The following KCTD18 variants were observed in gnomAD, a reference collection of about 807,000 sequenced individuals.
KCTD18 encodes the protein BTB/POZ domain-containing protein KCTD18.
Under a neutral mutation model 30.4 loss-of-function variants are expected in KCTD18, and 22 were observed. That is an observed-to-expected ratio of 0.72 (90% CI 0.52 to 1.03). The LOEUF (loss-of-function observed/expected upper bound fraction) is 1.03. Among genes scored for constraint, KCTD18 ranks in the 50% least tolerant of loss-of-function variants. The probability of loss-of-function intolerance (pLI) is 0.00; values close to 1 mark genes in which losing one functional copy is unlikely to be tolerated. For missense variants in KCTD18, 529 were observed against 547.6 expected, an observed-to-expected ratio of 0.97 and a Z score of 0.34; for synonymous variants, 186 against 209.0, an observed-to-expected ratio of 0.89 and a Z score of 0.95.
At chr2:200,500,868 TACCTG>T in intron 3 of KCTD18, among the ~76,000 whole-genome samples, 1 of 152,318 alleles carries the variant, frequency 6.6e-6, no homozygotes, top group Middle Eastern at 3.4e-3. Flanking sequence ...GGCATCATGC[TACCTG>T]ACTTCAAACT....
chr2:200,498,230 A>G (rs1033902110), intron 4 of KCTD18, among the ~76,000 whole-genome samples: 1 of 152,242 alleles, frequency 6.6e-6, no homozygotes, highest in Non-Finnish European at 1.5e-5. Context: ...AAGCATCCCT[A>G]TCTGTAAAGA....
chr2:200,493,191 T>C lies in KCTD18; in HGVS notation c.745A>G (p.Met249Val), dbSNP rs2106276789. ...GATAACCTCTTTCGAATTGGAGCCA[T>C]GTGACGCAGGCTTCCAAGTAAAGGC... ...ERPLLGSLRH[M>V]APIRKRRLIT... is the part of the protein sequence containing the mutation. Residue 249 changes from methionine (M) to valine (V), a missense_variant, in exon 6 of 7, where the codon ATG becomes GTG. Transcript: ENST00000359878. 1.9e-6 allele frequency: 3 copies of C among 1,610,830 alleles called. No individual in the cohort carries two copies. Among genetic ancestry groups the C allele is most frequent in the South Asian group, 2.2e-5 (2 of 90,994 alleles).
rs1286708156 is a variant in KCTD18, at chr2:200,506,990, C to A, written c.27G>T (p.Glu9Asp). 6.2e-7 allele frequency: 1 copy of A among 1,612,074 alleles called. No individual in the cohort carries two copies. Among genetic ancestry groups the A allele is most frequent in the Admixed American group, 1.7e-5 (1 of 59,788 alleles). ...CGTTCAGTCGGAGAACATCTAGCAC[C>A]TCTTCTTCTGCCTTGTGGCCTTCCA... Reference protein sequence around the residue: MEGHKAEEEVLDVLRLNVG... With the variant: MEGHKAEEDVLDVLRLNVG... Residue 9 changes from glutamate (E) to aspartate (D), a missense_variant, in exon 2 of 7, where the codon GAG becomes GAT. Physicochemically the swap from Glu to Asp is conservative, Grantham distance 45. Transcript: ENST00000359878.
intron 5 of KCTD18, among the ~76,000 whole-genome samples, chr2:200,494,502 A>G (rs533456358): frequency 3.1e-4 from 47 of 152,334 alleles, no homozygotes; most frequent in Non-Finnish European, 5.4e-4. Context: ...TCTGGTAACA[A>G]TAACAATTTA....
At chr2:200,505,871 AAAAG>A (rs775742511) in intron 2 of KCTD18, among the ~76,000 whole-genome samples, 4 of 152,166 alleles carry the variant, frequency 2.6e-5, no homozygotes, top group Admixed American at 6.5e-5. Flanking sequence ...TTAAAAAAAA[AAAAG>A]AGAGAAAAAC....
intron 3 of KCTD18, among the ~76,000 whole-genome samples, chr2:200,504,160 T>C (rs2030029757): frequency 6.6e-6 from 1 of 152,222 alleles, no homozygotes; most frequent in Non-Finnish European, 1.5e-5. Context: ...AGTATTTCTC[T>C]TAATTTAAAA....
At position 200,490,121 on chromosome 2, in the gene KCTD18, G is replaced by A; in HGVS notation, c.1260C>T (p.Asn420=). 6.3e-7 allele frequency: 1 copy of A among 1,584,298 alleles called. No homozygotes were observed. Among genetic ancestry groups the A allele is most frequent in the Non-Finnish European group, 8.6e-7 (1 of 1,159,834 alleles). Residue 420 remains asparagine, a synonymous_variant, in exon 7 of 7, where the codon AAC becomes AAT. Transcript: ENST00000359878. The part of the protein sequence containing the change: ...AARALGVRTE[N]GKNKGN ...TTCATCAATTTCCCTTGTTCTTCCC[G>A]TTCTCAGTCCGCACTCCCAAGGCAC...
At chr2:200,507,214 A>G (rs2030249521) in intron 1 of KCTD18, 123 bp from the exon 2 acceptor site, 1 of 398,548 alleles carries the variant, frequency 2.5e-6, no homozygotes, top group Admixed American at 4.3e-5. Flanking sequence ...GAATTGAAGG[A>G]TTTTATATAA....
At position 200,508,477 on chromosome 2, in the gene KCTD18, C is replaced by A. The variant is rs2030328802; in HGVS notation, c.-76+1151G>T. Among the ~76,000 whole-genome samples the A allele has an allele frequency of 2.0e-5, 3 of 152,288 alleles. No individual in the cohort carries two copies. The South Asian group carries it at 6.2e-4, about 32-fold the overall frequency. ...CACTGTGGTGTTTTCCCACCTAAAA[C>A]AATACTGTGATGAAAAAGGTACTCC... On this transcript the variant is annotated intron_variant, in intron 1 of 6. Coordinates refer to ENST00000359878, the MANE Select transcript of KCTD18 (RefSeq NM_152387.4).
At chr2:200,504,365 A>T (rs1001759357) in intron 3 of KCTD18, among the ~76,000 whole-genome samples, 1 of 150,588 alleles carries the variant, frequency 6.6e-6, no homozygotes, top group Non-Finnish European at 1.5e-5. Context: ...AGGCTGAGGC[A>T]GGAGAATGGT....
At position 200,498,941 on chromosome 2, in the gene KCTD18, AGCGTCT is replaced by A; in HGVS notation, c.510_515del (p.Asp171_Ala172del). The A allele has an allele frequency of 6.2e-7, 1 of 1,614,074 alleles. No homozygotes were observed. The highest frequency in any genetic ancestry group is 8.5e-7 in the Non-Finnish European group (1 of 1,179,992). On this transcript the variant is annotated inframe_deletion, in exon 4 of 7. Transcript: ENST00000359878. Reference sequence around the variant, plus strand: ...TTCTTCCTCCCAGCTGCTTTTCAATAGCGTCTGTTCCATCAGTTTTTGTGGCATATA... The same window carrying A: ...TTCTTCCTCCCAGCTGCTTTTCAATAGTTCCATCAGTTTTTGTGGCATATA...
At chr2:200,490,868 T>A (rs2087905224) in intron 6 of KCTD18, among the ~76,000 whole-genome samples, 1 of 152,172 alleles carries the variant, frequency 6.6e-6, no homozygotes, top group African/African-American at 2.4e-5. Flanking sequence ...AAATTAAAAT[T>A]TGGCACTTTA....
intron 6 of KCTD18, among the ~76,000 whole-genome samples, chr2:200,492,670 T>G (rs111556066): frequency 2.0e-5 from 3 of 152,166 alleles, no homozygotes; most frequent in African/African-American, 7.2e-5. Context: ...TTAAATGTAT[T>G]TAAAACACAG....
chr2:200,497,615 G>C, intron 5 of KCTD18, 138 bp downstream of exon 5: 1 of 664,566 alleles, frequency 1.5e-6, no homozygotes, highest in East Asian at 2.6e-5. Context: ...AACTGCCTCA[G>C]TGTTATCATG....
rs555791030 is a variant in KCTD18, at chr2:200,491,767, T to C, written c.765-1151A>G. ...CACTTCCTGAGGACCACCCCAAGCA[T>C]GAAAGGTGACTGCAATCCTCTCACT... On this transcript the variant is annotated intron_variant, in intron 6 of 6. Coordinates refer to ENST00000359878, the MANE Select transcript of KCTD18 (RefSeq NM_152387.4). 5.3e-5 allele frequency among the ~76,000 whole-genome samples: 8 copies of C among 152,310 alleles called. No individual in the cohort carries two copies. In the South Asian group the frequency reaches 1.7e-3, roughly 32 times the overall value.
In KCTD18 at chr2:200,490,381, G is replaced by GGGCCT; in HGVS notation, c.999_1000insAGGCC (p.Leu334ArgfsTer45). The GGGCCT allele has an allele frequency of 6.2e-7, 1 of 1,614,210 alleles. No individual in the cohort carries two copies. The highest frequency in any genetic ancestry group is 8.5e-7 in the Non-Finnish European group (1 of 1,180,034). Reference sequence around the variant, plus strand: ...TGCCCAGGTGCCCCCGTGCCCACCAGGGCCGTGGCTCTGGAAGGTGCAGAG... The same window carrying GGGCCT: ...TGCCCAGGTGCCCCCGTGCCCACCAGGGCCTGGCCGTGGCTCTGGAAGGTGCAGAG... On this transcript the variant is annotated frameshift_variant, in exon 7 of 7. Coordinates refer to ENST00000359878, the MANE Select transcript of KCTD18 (RefSeq NM_152387.4). LOFTEE classifies it low-confidence loss of function (END_TRUNC).
At chr2:200,504,175 T>A (rs1334407232) in intron 3 of KCTD18, among the ~76,000 whole-genome samples, 1 of 152,214 alleles carries the variant, frequency 6.6e-6, no homozygotes, top group Non-Finnish European at 1.5e-5. Flanking sequence ...TTAAAAAGAA[T>A]TGGCCGGGTG....
chr2:200,507,093 T>C lies in KCTD18; in HGVS notation c.-75-2A>G. The stretch of plus-strand genomic sequence containing the variant: ...AAACAATGATGTCTTGGTCTCCCTC[T>C]GTAAAACAAAGGACAGTCATCCCCG... On this transcript the variant is annotated splice_acceptor_variant, in intron 1 of 6. Transcript: ENST00000359878. LOFTEE classifies it low-confidence loss of function (5UTR_SPLICE). 1 of 1,227,278 alleles carries C rather than the reference T, an allele frequency of 8.1e-7. No individual in the cohort carries two copies. The highest frequency in any genetic ancestry group is 1.5e-5 in the South Asian group (1 of 66,106). The allele number at this position is 1,227,278 out of a possible 1,614,324, so 76.0% of individuals were successfully genotyped here. A position where few individuals can be genotyped will look rare whatever the true frequency, so the allele number is the denominator to read the frequency against.
intron 1 of KCTD18, among the ~76,000 whole-genome samples, chr2:200,507,292 T>C (rs572893537): frequency 6.6e-6 from 1 of 152,332 alleles, no homozygotes; most frequent in South Asian, 2.1e-4. Context: ...TAAAAGATAA[T>C]AAACGACTAA....
Sources: gnomAD v4.1 joint callset for allele counts (sites outside exome capture counted in the v4.1 genomes callset) on GRCh38, gnomAD v4.1.1 for gene constraint, MANE v1.5 for transcripts, NCBI Gene and HGNC (gene_info 2026-07-23, HGNC 2026-07-21) for gene names.